The following OXR1 variants were observed in gnomAD, a reference collection of about 807,000 sequenced individuals.
OXR1 encodes the protein oxidation resistance 1.
Under a neutral mutation model 104.6 loss-of-function variants are expected in OXR1, and 41 were observed. The observed-to-expected ratio is 0.39, with a 90% CI of 0.31 to 0.51. The LOEUF is 0.51. OXR1 is among the 20% of genes least tolerant of loss of function. The pLI, the probability that OXR1 is intolerant of heterozygous loss-of-function variation, is 0.77. For missense variants in OXR1, 955 were observed against 1,031.9 expected (o/e 0.93, Z 1.02); for synonymous variants, 348 against 348.4 (o/e 1.00, Z 0.01).
chr8:106,395,882 T>C (rs750086526), intron 2 of OXR1, among the ~76,000 whole-genome samples: 2 of 151,952 alleles, frequency 1.3e-5, no homozygotes, highest in Non-Finnish European at 2.9e-5. Flanking sequence ...ACCTTGAGTG[T>C]CTTCTAGTGT....
At chr8:106,416,686 T>G (rs995495103) in intron 2 of OXR1, among the ~76,000 whole-genome samples, 1 of 152,080 alleles carries the variant, frequency 6.6e-6, no homozygotes, top group Non-Finnish European at 1.5e-5. Context: ...CTGTCTGTAT[T>G]CATGGGAAAG....
At chr8:106,695,590 GT>G (rs1304154071) in intron 7 of OXR1, among the ~76,000 whole-genome samples, 1 of 151,630 alleles carries the variant, frequency 6.6e-6, no homozygotes, top group Non-Finnish European at 1.5e-5. Context: ...GCTAATTTTT[GT>G]ATTTTTTTAG....
At chr8:106,462,319 C>T (rs559587496) in intron 2 of OXR1, among the ~76,000 whole-genome samples, 7 of 152,258 alleles carry the variant, frequency 4.6e-5, no homozygotes, top group East Asian at 1.9e-4. Context: ...CTTCAGGCAG[C>T]GCACAGATGT....
At chr8:106,664,534 T>C (rs1826082347) in intron 3 of OXR1, among the ~76,000 whole-genome samples, 1 of 152,230 alleles carries the variant, frequency 6.6e-6, no homozygotes, top group South Asian at 2.1e-4. Context: ...GAATAATCAG[T>C]GTATTTGGTC....
chr8:106,670,419 C>T (rs1826818354), intron 3 of OXR1, among the ~76,000 whole-genome samples: 1 of 152,052 alleles, frequency 6.6e-6, no homozygotes, highest in Non-Finnish European at 1.5e-5. Context: ...TTATGTTCTG[C>T]ACACAAAATA....
At chr8:106,653,901 A>C (rs3110438) in intron 3 of OXR1, among the ~76,000 whole-genome samples, 60,171 of 151,888 alleles carry the variant, frequency 0.4, 12,530 homozygotes, top group African/African-American at 0.52. Context: ...GTAAGATACA[A>C]GAACAGTATT....
Position 106,577,730 on chromosome 8 carries a change from GAGTTCCTGCAACCCA to G in OXR1, c.220+58596_220+58610del, listed in dbSNP as rs1207081801. The stretch of plus-strand genomic sequence containing the variant: ...TGTTCAGCCTCAGGATGCTGGGGCT[GAGTTCCTGCAACCCA>G]AGTTTCTGCTTTGCCAGCAGCCACC... On this transcript the variant is annotated intron_variant, in intron 3 of 16. Transcript: ENST00000517566. Among the ~76,000 whole-genome samples, 2 of 152,064 alleles carry G rather than the reference GAGTTCCTGCAACCCA, an allele frequency of 1.3e-5. 1 individual carries two copies. Among genetic ancestry groups the G allele is most frequent in the Non-Finnish European group, 2.9e-5 (2 of 68,002 alleles).
intron 2 of OXR1, among the ~76,000 whole-genome samples, chr8:106,383,513 C>T (rs1465427016): frequency 2.0e-5 from 3 of 152,126 alleles, no homozygotes; most frequent in South Asian, 2.1e-4. Flanking sequence ...ATGCAATGCT[C>T]ACAAATCTAT....
chr8:106,699,096 G>T (rs1289742274), intron 7 of OXR1, among the ~76,000 whole-genome samples: 1 of 152,146 alleles, frequency 6.6e-6, no homozygotes, highest in Admixed American at 6.5e-5. Context: ...ATAGCCTTTA[G>T]TGTGTAGCTA....
intron 3 of OXR1, among the ~76,000 whole-genome samples, chr8:106,557,036 T>C (rs1302809009): frequency 6.6e-6 from 1 of 152,164 alleles, no homozygotes; most frequent in African/African-American, 2.4e-5. Context: ...TTCCCCAAAC[T>C]CTTATATGAA....
intron 2 of OXR1, among the ~76,000 whole-genome samples, chr8:106,498,477 T>A (rs1454923754): frequency 6.6e-6 from 1 of 152,232 alleles, no homozygotes; most frequent in Admixed American, 6.5e-5. Flanking sequence ...GCCCACATAT[T>A]GTAGTTTTGA....
intron 3 of OXR1, among the ~76,000 whole-genome samples, chr8:106,653,293 A>T (rs1824776012): frequency 6.6e-6 from 1 of 151,794 alleles, no homozygotes; most frequent in Non-Finnish European, 1.5e-5. Context: ...TACCAAAGCC[A>T]GACGAGGATA....
chr8:106,572,425 T>C (rs1817536921), intron 3 of OXR1, among the ~76,000 whole-genome samples: 1 of 152,210 alleles, frequency 6.6e-6, no homozygotes, highest in Non-Finnish European at 1.5e-5. Flanking sequence ...TTTTTCACAA[T>C]ATAGGTAGCC....
At chr8:106,663,556 T>C (rs1825973234) in intron 3 of OXR1, among the ~76,000 whole-genome samples, 1 of 152,150 alleles carries the variant, frequency 6.6e-6, no homozygotes, top group Non-Finnish European at 1.5e-5. Flanking sequence ...ATGGTTTATC[T>C]TGAACCCAGG....
chr8:106,735,173 T>A (rs1288095783), intron 11 of OXR1, among the ~76,000 whole-genome samples: 4 of 152,026 alleles, frequency 2.6e-5, no homozygotes, highest in Non-Finnish European at 5.9e-5. Flanking sequence ...TATATTTCTG[T>A]ACTCAAATTC....
At chr8:106,564,958 C>T (rs942576968) in intron 3 of OXR1, among the ~76,000 whole-genome samples, 1 of 152,160 alleles carries the variant, frequency 6.6e-6, no homozygotes, top group Non-Finnish European at 1.5e-5. Context: ...ACTCAATAAA[C>T]TAGGTATCAT....
intron 2 of OXR1, among the ~76,000 whole-genome samples, chr8:106,399,257 A>G (rs1453798671): frequency 6.6e-6 from 1 of 152,210 alleles, no homozygotes; most frequent in Admixed American, 6.6e-5. Context: ...TAAAGATAGT[A>G]AAAAGGACTT....
intron 3 of OXR1, chr8:106,618,264 T>TA: frequency 8.9e-7 from 1 of 1,117,920 alleles, no homozygotes; most frequent in Non-Finnish European, 1.3e-6. Context: ...GGGCACACTT[T>TA]ATGTTGCATT....
chr8:106,465,452 C>T (rs1017890578), intron 2 of OXR1, among the ~76,000 whole-genome samples: 2 of 151,898 alleles, frequency 1.3e-5, no homozygotes, highest in African/African-American at 4.8e-5. Context: ...AGGTACTGAA[C>T]AGAAGAGTGA....
Sources: allele counts gnomAD v4.1 joint callset (sites outside exome capture counted in the v4.1 genomes callset), GRCh38; gene constraint gnomAD v4.1.1; transcripts MANE v1.5; gene names NCBI Gene and HGNC (gene_info 2026-07-23, HGNC 2026-07-21).